Variants in GLIS3 observed in about 807,000 individuals in gnomAD.
GLIS3 encodes zinc finger protein GLIS3.
Under a neutral mutation model 78.6 loss-of-function variants are expected in GLIS3, and 53 were observed. That is an observed-to-expected ratio of 0.67 (90% CI 0.54 to 0.85). GLIS3 has a LOEUF of 0.85. Ranked by LOEUF, GLIS3 falls within the 40% of genes least tolerant of loss-of-function variation. The probability of loss-of-function intolerance (pLI) is 0.00; values close to 1 mark genes in which losing one functional copy is unlikely to be tolerated. For synonymous variants in GLIS3, 684 were observed against 509.9 expected, an observed-to-expected ratio of 1.34 and a Z score of -4.60; for missense variants, 1,703 against 1,231.1, an observed-to-expected ratio of 1.38 and a Z score of -5.74.
chr9:4,347,903 G>A (rs1587397922), intron 1 of GLIS3, among the ~76,000 whole-genome samples: 1 of 152,064 alleles, frequency 6.6e-6, no homozygotes, highest in Non-Finnish European at 1.5e-5. Context: ...ACAATAGAGT[G>A]GAGTTTTAGC....
chr9:4,442,052 T>C, the GLIS3 span, among the ~76,000 whole-genome samples: 2 of 152,202 alleles, frequency 1.3e-5, no homozygotes, highest in South Asian at 2.1e-4. Flanking sequence ...AAACGTTTGG[T>C]AGAATTCACA....
chr9:3,964,094 G>C (rs771163591), intron 4 of GLIS3, among the ~76,000 whole-genome samples: 32 of 152,034 alleles, frequency 2.1e-4, no homozygotes, highest in Non-Finnish European at 3.7e-4. Context: ...AGAGAGTGCT[G>C]GGCTGCAAAG....
At chr9:4,038,707 G>C (rs938819547) in intron 4 of GLIS3, among the ~76,000 whole-genome samples, 1 of 152,150 alleles carries the variant, frequency 6.6e-6, no homozygotes, top group Admixed American at 6.5e-5. Flanking sequence ...TTGGCCACAC[G>C]TATTCAGCTC....
chr9:3,859,974 T>C (rs1286979395), intron 8 of GLIS3, among the ~76,000 whole-genome samples: 1 of 151,950 alleles, frequency 6.6e-6, no homozygotes, highest in East Asian at 1.9e-4. Context: ...TTTTAAAACC[T>C]CATAAAAAAT....
chr9:3,986,951 C>T (rs1819788731), intron 4 of GLIS3, among the ~76,000 whole-genome samples: 2 of 152,056 alleles, frequency 1.3e-5, no homozygotes, highest in Admixed American at 6.6e-5. Flanking sequence ...AAAATCACAA[C>T]TTGAGTAAAA....
At chr9:4,365,426 G>T in the GLIS3 span, among the ~76,000 whole-genome samples, 3 of 151,852 alleles carry the variant, frequency 2.0e-5, no homozygotes, top group African/African-American at 7.3e-5. Context: ...GCATGGTGGC[G>T]GGTGCCTATA....
chr9:4,218,403 T>G (rs1050789803), intron 2 of GLIS3, among the ~76,000 whole-genome samples: 6 of 152,072 alleles, frequency 3.9e-5, no homozygotes, highest in Non-Finnish European at 7.4e-5. Flanking sequence ...CTCAGCCTCC[T>G]GAGTAGCTGG....
chr9:4,043,147 T>C (rs978470776), intron 4 of GLIS3, among the ~76,000 whole-genome samples: 20 of 152,238 alleles, frequency 1.3e-4, no homozygotes, highest in Non-Finnish European at 1.9e-4. Context: ...CCACTCAAGG[T>C]CCCAATTTAA....
At chr9:4,369,689 G>T in the GLIS3 span, among the ~76,000 whole-genome samples, 1 of 152,132 alleles carries the variant, frequency 6.6e-6, no homozygotes, top group Non-Finnish European at 1.5e-5. Context: ...TGGCGTGATG[G>T]TCAAATGTGA....
chr9:4,228,198 CAAAAA>C (rs59507597), intron 2 of GLIS3, among the ~76,000 whole-genome samples: 4 of 107,026 alleles, frequency 3.7e-5, no homozygotes, highest in Non-Finnish European at 7.5e-5. Context: ...TCTAAGGTGG[CAAAAA>C]AAAAAAAAAA....
intron 8 of GLIS3, among the ~76,000 whole-genome samples, chr9:3,862,939 G>A (rs183080003): frequency 1.2e-4 from 18 of 152,068 alleles, no homozygotes; most frequent in Admixed American, 1.1e-3. Flanking sequence ...CCAAAGAATT[G>A]TGGGGTATCA....
exon 3 of GLIS3, chr9:4,310,503 C>G (rs942586541): frequency 6.6e-6 from 1 of 152,102 alleles, no homozygotes; most frequent in East Asian, 1.9e-4. Context: ...GAGTCACTGC[C>G]GATTTTTTGA....
chr9:4,080,900 C>A (rs981947658), intron 4 of GLIS3, among the ~76,000 whole-genome samples: 1 of 152,340 alleles, frequency 6.6e-6, no homozygotes, highest in Non-Finnish European at 1.5e-5. Context: ...CTTCACACCC[C>A]CTTCACCTCT....
At chr9:3,975,230 T>C (rs1036068338) in intron 4 of GLIS3, 1 of 152,162 alleles carries the variant, frequency 6.6e-6, no homozygotes, top group South Asian at 2.1e-4. Context: ...GCCAAGAAGA[T>C]TCTCAACAGG....
chr9:3,957,426 T>A (rs1817200651), intron 4 of GLIS3, among the ~76,000 whole-genome samples: 1 of 152,218 alleles, frequency 6.6e-6, no homozygotes, highest in Non-Finnish European at 1.5e-5. Flanking sequence ...AGCCTGCGTG[T>A]GCAGGAGGAA....
At chr9:4,355,457 A>T in the GLIS3 span, among the ~76,000 whole-genome samples, 1 of 152,214 alleles carries the variant, frequency 6.6e-6, no homozygotes, top group Non-Finnish European at 1.5e-5. Context: ...TAGGAACAAT[A>T]ACTTGGCACG....
chr9:4,123,938 C>G (rs991508085), intron 3 of GLIS3: 5 of 392,872 alleles, frequency 1.3e-5, no homozygotes, highest in Admixed American at 4.4e-5. Context: ...TTCATGCCCC[C>G]TTTTCCACTT....
At chr9:4,196,274 A>T (rs1818834921) in intron 2 of GLIS3, among the ~76,000 whole-genome samples, 1 of 152,098 alleles carries the variant, frequency 6.6e-6, no homozygotes, top group African/African-American at 2.4e-5. Context: ...AAAACAGTCC[A>T]ATCAGCTCTC....
At chr9:4,371,781 A>G in the GLIS3 span, among the ~76,000 whole-genome samples, 6 of 152,236 alleles carry the variant, frequency 3.9e-5, no homozygotes, top group African/African-American at 1.4e-4. Context: ...CTCCTACAAA[A>G]TGAATTTAAA....
Sources: allele counts gnomAD v4.1 joint callset (sites outside exome capture counted in the v4.1 genomes callset), GRCh38; gene constraint gnomAD v4.1.1; transcripts MANE v1.5; gene names NCBI Gene and HGNC (gene_info 2026-07-23, HGNC 2026-07-21).